Variants in JAZF1 observed in about 807,000 individuals in gnomAD.
JAZF1 encodes the protein juxtaposed with another zinc finger protein 1.
In JAZF1, 8 loss-of-function variants were observed where a neutral mutation model predicts 26.4. The ratio of observed to expected loss-of-function variants is 0.30; its 90% confidence interval spans 0.18 to 0.55. The LOEUF (loss-of-function observed/expected upper bound fraction) is 0.55. Among genes scored for constraint, JAZF1 ranks in the 20% least tolerant of loss-of-function variants. The pLI is 0.94. For synonymous variants in JAZF1, 126 were observed against 122.3 expected (o/e 1.03, Z -0.20); for missense variants, 199 against 322.0 (o/e 0.62, Z 2.92).
chr7:27,861,956 A>C (rs895989613), intron 3 of JAZF1, among the ~76,000 whole-genome samples: 1 of 152,164 alleles, frequency 6.6e-6, no homozygotes, highest in Non-Finnish European at 1.5e-5. Context: ...CCCTGTTCTA[A>C]GAACTGTGCC....
At chr7:27,921,816 G>A (rs541926134) in intron 2 of JAZF1, among the ~76,000 whole-genome samples, 4 of 152,138 alleles carry the variant, frequency 2.6e-5, no homozygotes, top group Non-Finnish European at 4.4e-5. Flanking sequence ...AGGACTGCTC[G>A]AGACCAGGAG....
At chr7:27,873,870 T>C (rs1783627111) in intron 3 of JAZF1, among the ~76,000 whole-genome samples, 1 of 152,200 alleles carries the variant, frequency 6.6e-6, no homozygotes, top group African/African-American at 2.4e-5. Context: ...CACTCTGATA[T>C]GCTGCTGAGA....
chr7:28,009,094 A>G (rs1266022697), intron 1 of JAZF1, among the ~76,000 whole-genome samples: 1 of 152,198 alleles, frequency 6.6e-6, no homozygotes, highest in Non-Finnish European at 1.5e-5. Context: ...CTGAGTTTCC[A>G]CAAATGGAAG....
chr7:27,866,692 A>G (rs1202960525), intron 3 of JAZF1, among the ~76,000 whole-genome samples: 1 of 152,260 alleles, frequency 6.6e-6, no homozygotes, highest in African/African-American at 2.4e-5. Flanking sequence ...TTATCTGCCT[A>G]TAATTAGTGG....
chr7:28,049,013 CTCCCTCCCTTCCCTTCCCCTCCCCT>C (rs1346002586), intron 1 of JAZF1, among the ~76,000 whole-genome samples: 1 of 139,418 alleles, frequency 7.2e-6, no homozygotes, highest in African/African-American at 2.7e-5. Flanking sequence ...TCCTTCCTCC[CTCCCTCCCTTCCCTTCCCCTCCCCT>C]TCCCTCCCTC....
chr7:27,960,423 G>A (rs1785168123), intron 2 of JAZF1, among the ~76,000 whole-genome samples: 1 of 152,230 alleles, frequency 6.6e-6, no homozygotes, highest in Non-Finnish European at 1.5e-5. Context: ...CATGCCAAAT[G>A]AACCCAGCAG....
chr7:28,038,083 C>T (rs1783324498), intron 1 of JAZF1, among the ~76,000 whole-genome samples: 2 of 152,108 alleles, frequency 1.3e-5, no homozygotes, highest in African/African-American at 4.8e-5. Flanking sequence ...ATAATTCTTA[C>T]AAATGGTACC....
chr7:27,913,279 TTATA>T (rs569071390), intron 2 of JAZF1: 12 of 205,436 alleles, frequency 5.8e-5, no homozygotes, highest in Middle Eastern at 3.3e-3. Flanking sequence ...TTTATATATA[TTATA>T]TATATATATT....
At chr7:27,930,120 C>T (rs1304153570) in intron 2 of JAZF1, among the ~76,000 whole-genome samples, 6 of 152,016 alleles carry the variant, frequency 3.9e-5, no homozygotes, top group South Asian at 4.2e-4. Context: ...CTCAGCCCCC[C>T]GAGTAGCTGG....
At chr7:28,088,971 T>C (rs901611131) in intron 1 of JAZF1, among the ~76,000 whole-genome samples, 6 of 152,180 alleles carry the variant, frequency 3.9e-5, no homozygotes, top group Admixed American at 1.3e-4. Context: ...GCACTGCGCA[T>C]ACTCATCATA....
chr7:28,035,373 T>C (rs1783273089), intron 1 of JAZF1, among the ~76,000 whole-genome samples: 1 of 147,324 alleles, frequency 6.8e-6, no homozygotes, highest in Non-Finnish European at 1.5e-5. Flanking sequence ...AATTTATCTG[T>C]TATAGTGTTG....
At chr7:27,981,385 G>A (rs1402038241) in intron 2 of JAZF1, among the ~76,000 whole-genome samples, 1 of 152,146 alleles carries the variant, frequency 6.6e-6, no homozygotes, top group African/African-American at 2.4e-5. Context: ...TCAATAAAAG[G>A]GACTGTGATT....
intron 2 of JAZF1, among the ~76,000 whole-genome samples, chr7:27,986,132 G>T (rs1785700495): frequency 6.6e-6 from 1 of 152,180 alleles, no homozygotes; most frequent in African/African-American, 2.4e-5. Context: ...GCAAGAGAAA[G>T]AAATAAAGGG....
At chr7:27,949,243 A>G (rs10244948) in intron 2 of JAZF1, among the ~76,000 whole-genome samples, 47,250 of 152,152 alleles carry the variant, frequency 0.31, 8,361 homozygotes, top group Non-Finnish European at 0.4. Context: ...TTTGCGATGC[A>G]AGGCAACTGT....
chr7:27,852,045 A>G (rs1783161099), intron 3 of JAZF1, among the ~76,000 whole-genome samples: 1 of 151,978 alleles, frequency 6.6e-6, no homozygotes, highest in South Asian at 2.1e-4. Flanking sequence ...TGCAGTCAGT[A>G]CAAGATGATT....
intron 2 of JAZF1, among the ~76,000 whole-genome samples, chr7:27,927,290 A>C (rs1784616198): frequency 1.3e-5 from 2 of 152,156 alleles, no homozygotes; most frequent in African/African-American, 4.8e-5. Context: ...TCTATTTATA[A>C]TATTTACTAA....
intron 2 of JAZF1, among the ~76,000 whole-genome samples, chr7:27,912,919 G>C (rs1039741685): frequency 6.6e-6 from 1 of 152,134 alleles, no homozygotes; most frequent in Non-Finnish European, 1.5e-5. Context: ...GGCAGATACT[G>C]TTTCCACTCA....
chr7:27,859,177 C>T (rs1346929685), intron 3 of JAZF1, among the ~76,000 whole-genome samples: 1 of 152,114 alleles, frequency 6.6e-6, no homozygotes. Context: ...CAATGAGATA[C>T]CATCTCACTC....
At chr7:27,845,024 GGAAAT>G (rs1421642770) in intron 3 of JAZF1, among the ~76,000 whole-genome samples, 2 of 152,218 alleles carry the variant, frequency 1.3e-5, no homozygotes, top group Non-Finnish European at 2.9e-5. Flanking sequence ...AAGATCATAA[GGAAAT>G]GAAATGATGT....
Sources: allele counts gnomAD v4.1 joint callset (sites outside exome capture counted in the v4.1 genomes callset), GRCh38; gene constraint gnomAD v4.1.1; transcripts MANE v1.5; gene names NCBI Gene and HGNC (gene_info 2026-07-23, HGNC 2026-07-21).